BAIAP2L2: variants seen among roughly 807,000 people sequenced by gnomAD.
BAIAP2L2 encodes the protein BAR/IMD domain containing adaptor protein 2 like 2, also known as BAR/IMD domain-containing adapter protein 2-like 2.
In BAIAP2L2, 65 loss-of-function variants were observed where a neutral mutation model predicts 60.4. The observed-to-expected ratio is 1.08, with a 90% CI of 0.88 to 1.32. The LOEUF (loss-of-function observed/expected upper bound fraction) is 1.32, where lower values mean the gene tolerates loss of function less well. BAIAP2L2 is among the 40% of genes most tolerant of loss of function. BAIAP2L2 has a pLI of 0.00. For synonymous variants in BAIAP2L2, 344 were observed against 301.7 expected (o/e 1.14, Z -1.45); for missense variants, 836 against 741.2 (o/e 1.13, Z -1.48).
At chr22:38,087,710 C>T (rs1243865297) in intron 10 of BAIAP2L2, among the ~76,000 whole-genome samples, 7 of 152,056 alleles carry the variant, frequency 4.6e-5, no homozygotes, top group East Asian at 3.9e-4. Flanking sequence ...TGGACCTTCG[C>T]GCCTAACTAT....
chr22:38,109,330 G>C, intron 1 of BAIAP2L2, 122 bp from the exon 2 acceptor site: 2 of 758,892 alleles, frequency 2.6e-6, no homozygotes, highest in Non-Finnish European at 4.4e-6. Context: ...AGAAGCCCCA[G>C]ACTTTGGGGG....
At chr22:38,099,703 A>T (rs2086525093) in intron 4 of BAIAP2L2, among the ~76,000 whole-genome samples, 1 of 152,136 alleles carries the variant, frequency 6.6e-6, no homozygotes, top group Non-Finnish European at 1.5e-5. Context: ...TTCCAGCTGC[A>T]GGAGGGTTCA....
chr22:38,088,801 C>G lies in BAIAP2L2; in HGVS notation c.1065G>C (p.Leu355Phe). Residue 355 changes from leucine to phenylalanine, a missense_variant, in exon 10 of 14, where the codon TTG becomes TTC. Leu to Phe is a conservative substitution (Grantham distance 22, BLOSUM62 0). Transcript: ENST00000381669. Reference protein sequence around the residue: ...RFSAGDVVEVLVPEAQNGWLY... With the variant: ...RFSAGDVVEVFVPEAQNGWLY... ...GCCAGCCGTTCTGGGCCTCGGGCAC[C>G]AACACCTCCACCACGTCCCCAGCGG... is the stretch of plus-strand genomic sequence containing the variant. The G allele has an allele frequency of 1.2e-6, 2 of 1,601,296 alleles. No individual in the cohort carries two copies. The highest frequency in any genetic ancestry group is 2.2e-5 in the South Asian group (2 of 90,976).
intron 12 of BAIAP2L2, among the ~76,000 whole-genome samples, chr22:38,086,002 C>G (rs1281887464): frequency 6.6e-6 from 1 of 152,222 alleles, no homozygotes; most frequent in East Asian, 1.9e-4. Flanking sequence ...GATGCCCTCC[C>G]TGGCCTCCCC....
In BAIAP2L2 at chr22:38,088,892, C is replaced by T. The variant is rs2086185590; in HGVS notation, c.974G>A (p.Gly325Asp). The change falls in exon 10 of 14, where the codon GGC becomes GAC. Residue 325 changes from glycine to aspartate, a missense_variant. Gly to Asp is a moderately conservative substitution (Grantham distance 94). Coordinates refer to ENST00000381669, the MANE Select transcript of BAIAP2L2 (RefSeq NM_025045.6). Reference sequence around the variant, plus strand: ...GACCAGGGCGCGGACTCTCCTGGCGCCCCCGCCGCCGCCCGGGCGCTCGCC... The same window carrying T: ...GACCAGGGCGCGGACTCTCCTGGCGTCCCCGCCGCCGCCCGGGCGCTCGCC... ...SFGERPGGGG[G>D]ARRVRALVSH... 3 of 1,576,184 alleles carry T rather than the reference C, an allele frequency of 1.9e-6. No individual in the cohort carries two copies. Among genetic ancestry groups the T allele is most frequent in the East Asian group, 2.3e-5 (1 of 43,656 alleles).
intron 6 of BAIAP2L2, among the ~76,000 whole-genome samples, chr22:38,097,708 G>T (rs981857159): frequency 6.6e-6 from 1 of 152,136 alleles, no homozygotes; most frequent in Admixed American, 6.5e-5. Context: ...AGGCAGGAGA[G>T]AGGGGAGGAG....
At chr22:38,110,775 G>A (rs191269980), upstream of BAIAP2L2, 795 of 519,452 alleles carry the variant, frequency 1.5e-3, 12 homozygotes, top group East Asian at 0.026. Flanking sequence ...GGGCAGGCTC[G>A]TGTGACCTGC....
chr22:38,097,668 G>T (rs906094007), intron 6 of BAIAP2L2, among the ~76,000 whole-genome samples: 12 of 152,234 alleles, frequency 7.9e-5, no homozygotes, highest in African/African-American at 2.9e-4. Flanking sequence ...GAAGGGGAAT[G>T]GCCCTAGCCG....
At chr22:38,090,118 T>TTTTTTTCTTTTTA (rs58963298) in intron 7 of BAIAP2L2, 1 of 123,086 alleles carries the variant, frequency 8.1e-6, no homozygotes, top group Non-Finnish European at 1.7e-5. Flanking sequence ...TTTTTTTTTT[T>TTTTTTTCTTTTTA]TTTTTTTTTT....
At position 38,098,438 on chromosome 22, in the gene BAIAP2L2, GTTC is replaced by G. The variant is rs753208904; in HGVS notation, c.318_320del (p.Lys106del). 5.6e-6 allele frequency: 9 copies of G among 1,613,934 alleles called. No individual in the cohort carries two copies. The East Asian group carries it at 6.7e-5, about 12-fold the overall frequency. Reference sequence around the variant, plus strand: ...TGATGAACTGCATGTCCAGCTTGGTGTTCTTCTCCATGTGCTGCAGCAGGCCTC... The same window carrying G: ...TGATGAACTGCATGTCCAGCTTGGTGTTCTCCATGTGCTGCAGCAGGCCTC... On this transcript the variant is annotated inframe_deletion, in exon 5 of 14. Transcript: ENST00000381669.
chr22:38,095,288 A>T (rs1420305110), intron 7 of BAIAP2L2, among the ~76,000 whole-genome samples: 1 of 152,232 alleles, frequency 6.6e-6, no homozygotes, highest in Non-Finnish European at 1.5e-5. Flanking sequence ...GATGGGAAGG[A>T]TGAAGACAGG....
chr22:38,110,412 G>A (rs995674211), intron 1 of BAIAP2L2, 63 bp downstream of exon 1: 24 of 1,516,442 alleles, frequency 1.6e-5, no homozygotes, highest in South Asian at 2.3e-5. Flanking sequence ...CCTCCAGAGC[G>A]GGCCTGATTT....
intron 7 of BAIAP2L2, among the ~76,000 whole-genome samples, chr22:38,094,555 ACT>A (rs2086382803): frequency 6.6e-6 from 1 of 152,090 alleles, no homozygotes; most frequent in East Asian, 1.9e-4. Flanking sequence ...TGGATGCATG[ACT>A]CTGTGAATAT....
intron 6 of BAIAP2L2, 54 bp downstream of exon 6, chr22:38,098,009 C>CCCCCCCCTA: frequency 1.8e-5 from 10 of 565,282 alleles, no homozygotes; most frequent in Non-Finnish European, 2.0e-5. Context: ...GGTCTCGCCC[C>CCCCCCCCTA]GAGGTCTGCC....
chr22:38,088,980 C>T lies in BAIAP2L2; in HGVS notation c.902-16G>A, dbSNP rs1362687778. 7.4e-6 allele frequency: 11 copies of T among 1,488,000 alleles called. No individual in the cohort carries two copies. The highest frequency in any genetic ancestry group is 9.8e-6 in the Non-Finnish European group (11 of 1,122,350). The allele number at this position is 1,488,000 out of a possible 1,614,324, so 92.2% of individuals were successfully genotyped here. ...TAGAGCGAGGCTGTGGGCGGGAGAG[C>T]GCGGCGGCACGTGGGCAGGAAGTTC... is the stretch of plus-strand genomic sequence containing the variant. On this transcript the variant is annotated splice_polypyrimidine_tract_variant and intron_variant, in intron 9 of 13. Transcript: ENST00000381669.
chr22:38,098,395 G>A lies in BAIAP2L2; in HGVS notation c.348+16C>T, dbSNP rs748763917. ...CCTGCAGTGAGTTGGGGGCCGAGTGGGGAGGCCAGACTCACTTTGATGAAC... is the reference window on the plus strand; with the variant it reads ...CCTGCAGTGAGTTGGGGGCCGAGTGAGGAGGCCAGACTCACTTTGATGAAC... On this transcript the variant is annotated intron_variant, in intron 5 of 13. Transcript: ENST00000381669. 6.2e-7 allele frequency: 1 copy of A among 1,611,742 alleles called. No individual in the cohort carries two copies. The highest frequency in any genetic ancestry group is 1.7e-5 in the Admixed American group (1 of 59,940).
intron 4 of BAIAP2L2, among the ~76,000 whole-genome samples, chr22:38,107,370 G>C (rs754747955): frequency 6.6e-6 from 1 of 152,192 alleles, no homozygotes; most frequent in Non-Finnish European, 1.5e-5. Flanking sequence ...ACTCTTCCGG[G>C]GGGCTGGGCT....
chr22:38,100,287 C>T (rs1238618941), intron 4 of BAIAP2L2, among the ~76,000 whole-genome samples: 1 of 152,102 alleles, frequency 6.6e-6, no homozygotes, highest in Non-Finnish European at 1.5e-5. Flanking sequence ...CGTGGTGGCT[C>T]ACACCTGCAA....
At chr22:38,103,862 C>CAAA (rs35813107) in intron 4 of BAIAP2L2, among the ~76,000 whole-genome samples, 9 of 109,380 alleles carry the variant, frequency 8.2e-5, no homozygotes, top group South Asian at 2.7e-4. Flanking sequence ...GACTCCATGT[C>CAAA]AAAAAAAAAA....
Sources: allele counts gnomAD v4.1 joint callset (sites outside exome capture counted in the v4.1 genomes callset), GRCh38; gene constraint gnomAD v4.1.1; transcripts MANE v1.5; gene names NCBI Gene and HGNC (gene_info 2026-07-23, HGNC 2026-07-21).